The following DPP10 variants were observed in gnomAD, a reference collection of about 807,000 sequenced individuals.
DPP10 encodes dipeptidyl peptidase like 10, also known as inactive dipeptidyl peptidase 10.
In DPP10, 33 loss-of-function variants were observed where a neutral mutation model predicts 120.9. The observed-to-expected ratio is 0.27, with a 90% CI of 0.21 to 0.37. DPP10 has a LOEUF of 0.37. Among genes scored for constraint, DPP10 ranks in the 10% least tolerant of loss-of-function variants. The probability of loss-of-function intolerance (pLI) is 1.00; values close to 1 mark genes in which losing one functional copy is unlikely to be tolerated. For missense variants in DPP10, 816 were observed against 942.8 expected, an observed-to-expected ratio of 0.87 and a Z score of 1.76; for synonymous variants, 337 against 326.1, an observed-to-expected ratio of 1.03 and a Z score of -0.36.
chr2:115,750,712 G>T lies in DPP10; in HGVS notation c.951-2462G>T, dbSNP rs538745061. Among the ~76,000 whole-genome samples the T allele has an allele frequency of 2.6e-5, 4 of 152,258 alleles. No individual in the cohort carries two copies. The East Asian group carries it at 7.7e-4, about 29-fold the overall frequency. On this transcript the variant is annotated intron_variant, in intron 10 of 25. Transcript: ENST00000410059. ...TAAGTTAGTGTTCCCTTAAAAATCAGTTATTCACCACATTTGTACTCGTTG... is the reference window on the plus strand; with the variant it reads ...TAAGTTAGTGTTCCCTTAAAAATCATTTATTCACCACATTTGTACTCGTTG...
chr2:115,109,522 G>A (rs766082376), intron 1 of DPP10, among the ~76,000 whole-genome samples: 10 of 149,648 alleles, frequency 6.7e-5, no homozygotes, highest in South Asian at 2.1e-4. Flanking sequence ...GCAACAGAGC[G>A]AGACTCCGTC....
chr2:115,168,023 T>C (rs2053033985), intron 1 of DPP10, among the ~76,000 whole-genome samples: 1 of 151,900 alleles, frequency 6.6e-6, no homozygotes, highest in African/African-American at 2.4e-5. Flanking sequence ...TTTATAGAAA[T>C]ATGTCAGGGG....
intron 5 of DPP10, among the ~76,000 whole-genome samples, chr2:115,541,252 C>T (rs890290008): frequency 2.6e-5 from 4 of 151,810 alleles, no homozygotes; most frequent in African/African-American, 9.7e-5. Flanking sequence ...CAAAAAATAT[C>T]CTGTTTCCTG....
At chr2:115,504,556 ATTAT>A (rs1174223249) in intron 4 of DPP10, among the ~76,000 whole-genome samples, 2 of 152,088 alleles carry the variant, frequency 1.3e-5, no homozygotes, top group Non-Finnish European at 2.9e-5. Flanking sequence ...TTTAAAAATG[ATTAT>A]TTATGTTTGT....
chr2:115,263,705 C>T (rs2059346386), intron 1 of DPP10, among the ~76,000 whole-genome samples: 1 of 152,158 alleles, frequency 6.6e-6, no homozygotes, highest in African/African-American at 2.4e-5. Flanking sequence ...AAAGTCATTT[C>T]AAAATATACT....
At chr2:115,233,818 T>G (rs987031762) in intron 1 of DPP10, 6 of 454,728 alleles carry the variant, frequency 1.3e-5, no homozygotes, top group Admixed American at 9.5e-5. Context: ...TCACTCACCT[T>G]TGCCACACCA....
Position 115,711,915 on chromosome 2 carries a change from G to GTTTTTTTTTTTTTTTTTTTTTTTT in DPP10, c.577-15901_577-15900insTTTTTTTTTTTTTTTTTTTTTTTT, listed in dbSNP as rs1491280011. On this transcript the variant is annotated intron_variant, in intron 7 of 25. Transcript: ENST00000410059. ...GAATATTGGACCTATAAAATGGTCT[G>GTTTTTTTTTTTTTTTTTTTTTTTT]GTTTTTTTTTTTTTTTTTTTTTTGG... 2.8e-4 allele frequency among the ~76,000 whole-genome samples: 27 copies of GTTTTTTTTTTTTTTTTTTTTTTTT among 96,986 alleles called. 13 individuals are homozygous for GTTTTTTTTTTTTTTTTTTTTTTTT. The highest frequency in any genetic ancestry group is 3.5e-4 in the Non-Finnish European group (18 of 50,822). 63.6% of individuals were successfully genotyped at this position (96,986 alleles called of 152,430 possible).
chr2:115,560,274 G>A (rs1178314590), intron 5 of DPP10, among the ~76,000 whole-genome samples: 1 of 145,442 alleles, frequency 6.9e-6, no homozygotes, highest in Non-Finnish European at 1.5e-5. Context: ...GGGAGGCTGA[G>A]GCAGGAGAAT....
At chr2:114,504,293 T>C (rs771323201) in intron 1 of DPP10, among the ~76,000 whole-genome samples, 2 of 152,216 alleles carry the variant, frequency 1.3e-5, no homozygotes, top group Non-Finnish European at 2.9e-5. Flanking sequence ...TAAACATTAC[T>C]TTTGTTTGTT....
At chr2:114,576,596 T>G (rs56173719) in intron 1 of DPP10, among the ~76,000 whole-genome samples, 12,145 of 152,160 alleles carry the variant, frequency 0.08, 659 homozygotes, top group Middle Eastern at 0.16. Context: ...ATCACCCTCT[T>G]TGGGTACAGG....
chr2:114,710,960 C>G (rs1350264175), intron 1 of DPP10, among the ~76,000 whole-genome samples: 1 of 151,956 alleles, frequency 6.6e-6, no homozygotes, highest in Non-Finnish European at 1.5e-5. Context: ...CTTTTCAAAC[C>G]AGGAAAGACA....
intron 1 of DPP10, among the ~76,000 whole-genome samples, chr2:114,788,001 CT>C (rs1336248838): frequency 6.6e-6 from 1 of 152,030 alleles, no homozygotes; most frequent in South Asian, 2.1e-4. Context: ...CTGGAAATGA[CT>C]TTTCTAATAA....
At chr2:115,757,859 C>T (rs748853965) in intron 11 of DPP10, among the ~76,000 whole-genome samples, 5 of 151,960 alleles carry the variant, frequency 3.3e-5, no homozygotes, top group Admixed American at 6.6e-5. Flanking sequence ...AACCAATTCA[C>T]GATAACTTTC....
chr2:115,220,954 A>ATG (rs2057120861), intron 1 of DPP10, among the ~76,000 whole-genome samples: 1 of 54,664 alleles, frequency 1.8e-5, no homozygotes, highest in Non-Finnish European at 4.6e-5. Context: ...CTAAAATATT[A>ATG]TATAATCAGT....
At chr2:114,599,601 A>G (rs1475251640) in intron 1 of DPP10, among the ~76,000 whole-genome samples, 1 of 150,756 alleles carries the variant, frequency 6.6e-6, no homozygotes, top group Non-Finnish European at 1.5e-5. Context: ...AGTATACCAT[A>G]TTTTTTTTGT....
intron 1 of DPP10, among the ~76,000 whole-genome samples, chr2:115,063,018 G>A (rs1706541757): frequency 6.6e-6 from 1 of 152,136 alleles, no homozygotes; most frequent in Non-Finnish European, 1.5e-5. Flanking sequence ...CACTGTAAAA[G>A]CGTTCCTATT....
chr2:115,657,213 G>A (rs1424668512), intron 5 of DPP10, among the ~76,000 whole-genome samples: 1 of 151,558 alleles, frequency 6.6e-6, no homozygotes, highest in Non-Finnish European at 1.5e-5. Flanking sequence ...AAACCTAAAA[G>A]TAGATAAAGT....
intron 1 of DPP10, among the ~76,000 whole-genome samples, chr2:115,302,058 AC>A (rs774074416): frequency 3.2e-4 from 48 of 152,122 alleles, no homozygotes; most frequent in Non-Finnish European, 5.9e-4. Context: ...CAGAAAACTT[AC>A]CATCATGGTG....
chr2:114,888,568 T>C (rs1692279238), intron 1 of DPP10, among the ~76,000 whole-genome samples: 1 of 152,218 alleles, frequency 6.6e-6, no homozygotes, highest in Admixed American at 6.5e-5. Context: ...AAAGTTGTGA[T>C]TAGCTTGTAG....
Sources: allele counts gnomAD v4.1 joint callset (sites outside exome capture counted in the v4.1 genomes callset), GRCh38; gene constraint gnomAD v4.1.1; transcripts MANE v1.5; gene names NCBI Gene and HGNC (gene_info 2026-07-23, HGNC 2026-07-21).